The following MTCL3 variants were observed in gnomAD, a reference collection of about 807,000 sequenced individuals.
The protein encoded by MTCL3 is microtubule cross-linking factor 3.
chr6:127,511,455 T>A, the MTCL3 span, among the ~76,000 whole-genome samples: 1 of 152,180 alleles, frequency 6.6e-6, no homozygotes, highest in South Asian at 2.1e-4. Flanking sequence ...AGGGAAAAAA[T>A]CTTTGCCATT....
chr6:127,476,087 G>A, the MTCL3 span: 1 of 1,613,962 alleles, frequency 6.2e-7, no homozygotes, highest in Non-Finnish European at 8.5e-7. This position sits in a 1 kb window ranked among gnomAD's most constrained non-coding sequence, Gnocchi z 4.4. Context: ...TGCAGGTGCT[G>A]CCGCAGCTCC....
At chr6:127,473,542 A>T in the MTCL3 span, 4 of 512,696 alleles carry the variant, frequency 7.8e-6, no homozygotes, top group Non-Finnish European at 1.3e-5. Flanking sequence ...TGAAAGCCTA[A>T]TATACATAGC....
At chr6:127,516,131 G>A in the MTCL3 span, 1 of 1,456,410 alleles carries the variant, frequency 6.9e-7, no homozygotes, top group South Asian at 1.4e-5. Flanking sequence ...TCTCCGAGCG[G>A]AGGGGGTTCC....
the MTCL3 span, chr6:127,476,229 G>A: frequency 0.27 from 433,378 of 1,613,904 alleles, 66,789 homozygotes; most frequent in East Asian, 0.72. The surrounding 1 kb of genome is among the most constrained non-coding windows in gnomAD (Gnocchi z 4.4). Context: ...TGCCCAGGAT[G>A]TTGGCTTCTT....
chr6:127,513,890 T>C, the MTCL3 span, among the ~76,000 whole-genome samples: 1 of 152,230 alleles, frequency 6.6e-6, no homozygotes, highest in African/African-American at 2.4e-5. Flanking sequence ...ATAATGTATG[T>C]AACAGTGTTT....
At chr6:127,496,233 T>C in the MTCL3 span, among the ~76,000 whole-genome samples, 1 of 152,238 alleles carries the variant, frequency 6.6e-6, no homozygotes, top group Non-Finnish European at 1.5e-5. Flanking sequence ...AAATTTACCC[T>C]GTTCATATTG....
chr6:127,476,152 T>A, the MTCL3 span: 1 of 1,614,158 alleles, frequency 6.2e-7, no homozygotes. The surrounding 1 kb of genome is among the most constrained non-coding windows in gnomAD (Gnocchi z 4.4). Flanking sequence ...GTTGAAGTCA[T>A]CGCCCCTAAG....
chr6:127,516,290 C>T, the MTCL3 span: 1 of 1,543,366 alleles, frequency 6.5e-7, no homozygotes, highest in Admixed American at 2.0e-5. Context: ...CCTTTGGGCG[C>T]CAGGGGCGTC....
the MTCL3 span, chr6:127,475,521 G>A: frequency 6.2e-7 from 1 of 1,613,144 alleles, no homozygotes; most frequent in East Asian, 2.2e-5. The surrounding 1 kb of genome is among the most constrained non-coding windows in gnomAD (Gnocchi z 7.3). Context: ...TGGTGCTCGT[G>A]TCGGCGATGA....
the MTCL3 span, among the ~76,000 whole-genome samples, chr6:127,479,660 A>G: frequency 3.3e-5 from 5 of 152,226 alleles, no homozygotes; most frequent in Admixed American, 3.3e-4. Flanking sequence ...AACAACAATT[A>G]TTTTAACACT....
chr6:127,507,826 G>A, the MTCL3 span, among the ~76,000 whole-genome samples: 1 of 103,124 alleles, frequency 9.7e-6, no homozygotes, highest in Non-Finnish European at 1.8e-5. Context: ...CTGGGCGACA[G>A]AGCAAGACTA....
the MTCL3 span, among the ~76,000 whole-genome samples, chr6:127,483,426 G>A: frequency 6.6e-6 from 1 of 152,194 alleles, no homozygotes; most frequent in African/African-American, 2.4e-5. Flanking sequence ...AGAATCGGAA[G>A]CACTTCATTC....
chr6:127,500,403 T>C, the MTCL3 span, among the ~76,000 whole-genome samples: 1 of 152,210 alleles, frequency 6.6e-6, no homozygotes, highest in Non-Finnish European at 1.5e-5. Flanking sequence ...AGCTTTTTCC[T>C]GAAAAATCAT....
At chr6:127,473,023 G>GA in the MTCL3 span, 29 of 908,450 alleles carry the variant, frequency 3.2e-5, no homozygotes, top group South Asian at 4.0e-4. Flanking sequence ...CAAACAGGAT[G>GA]AAAAAAAGAA....
the MTCL3 span, among the ~76,000 whole-genome samples, chr6:127,501,272 G>A: frequency 4.6e-5 from 7 of 152,090 alleles, no homozygotes; most frequent in Non-Finnish European, 7.4e-5. Context: ...TAGCCATACC[G>A]CTAAATGAAT....
chr6:127,473,573 C>A, the MTCL3 span, among the ~76,000 whole-genome samples: 2 of 152,164 alleles, frequency 1.3e-5, no homozygotes, highest in African/African-American at 2.4e-5. Flanking sequence ...ACTCTAATTT[C>A]TATTATTTTC....
chr6:127,492,944 A>G, the MTCL3 span, among the ~76,000 whole-genome samples: 1 of 152,240 alleles, frequency 6.6e-6, no homozygotes, highest in African/African-American at 2.4e-5. Flanking sequence ...CCAAAGGTAT[A>G]TAGGAGTTAA....
the MTCL3 span, among the ~76,000 whole-genome samples, chr6:127,501,357 G>A: frequency 6.6e-6 from 1 of 152,092 alleles, no homozygotes. Context: ...ACACACAGTT[G>A]GATCACTTGA....
chr6:127,515,673 C>T, the MTCL3 span: 62 of 1,510,094 alleles, frequency 4.1e-5, no homozygotes, highest in Non-Finnish European at 5.1e-5. The surrounding 1 kb of genome is among the most constrained non-coding windows in gnomAD (Gnocchi z 4.3). Flanking sequence ...GGCCCTCCGC[C>T]GCCGCCGCCA....
Sources: gnomAD v4.1 joint callset for allele counts (sites outside exome capture counted in the v4.1 genomes callset) on GRCh38, gnomAD v4.1.1 for gene constraint, Gnocchi (gnomAD v3.1) non-coding constraint, MANE v1.5 for transcripts, NCBI Gene and HGNC (gene_info 2026-07-23, HGNC 2026-07-21) for gene names.